The following RBM28 variants were observed in gnomAD, a reference collection of about 807,000 sequenced individuals.
The protein encoded by RBM28 is RNA binding motif protein 28, also known as RNA-binding protein 28.
In RBM28, 78 loss-of-function variants were observed where a neutral mutation model predicts 98.3. That is an observed-to-expected ratio of 0.79 (90% CI 0.66 to 0.96). The LOEUF is 0.96. Ranked by LOEUF, RBM28 falls within the 40% of genes least tolerant of loss-of-function variation. The pLI is 0.00. For missense variants in RBM28, 838 were observed against 913.0 expected, an observed-to-expected ratio of 0.92 and a Z score of 1.06; for synonymous variants, 306 against 330.9, an observed-to-expected ratio of 0.92 and a Z score of 0.82.
Position 128,299,603 on chromosome 7 carries a change from T to C in RBM28, c.*11194A>G, listed in dbSNP as rs1467692821. On this transcript the variant is annotated 3_prime_UTR_variant, in exon 19 of 19. Transcript: ENST00000223073. ...TTGTAATAGCAAAGGTTGGAAACCG[T>C]TGAATGGGATTTCCATCACATAAAG... is the stretch of plus-strand genomic sequence containing the variant. 1 of 152,224 alleles carries C rather than the reference T, an allele frequency of 6.6e-6. No individual in the cohort carries two copies. Among genetic ancestry groups the C allele is most frequent in the Non-Finnish European group, 1.5e-5 (1 of 68,042 alleles). 9.4% of individuals were successfully genotyped at this position (152,224 alleles called of 1,614,324 possible).
chr7:128,321,363 A>C lies in RBM28; in HGVS notation c.1466T>G (p.Leu489Arg), dbSNP rs1437807412. Residue 489 changes from leucine (L) to arginine (R), a missense_variant, in exon 14 of 19, where the codon CTC (leucine) becomes CGC (arginine). Coordinates refer to ENST00000223073, the MANE Select transcript of RBM28 (RefSeq NM_018077.3). ...DQNIFVSRTR[L>R]CLHNLPKAVD... ...AGCCTTTGGGAGATTGTGCAGGCAG[A>C]GCCTGGTTCGGGAGACAAAGATATT... 3 of 1,614,096 alleles carry C rather than the reference A, an allele frequency of 1.9e-6. No homozygotes were observed. Among genetic ancestry groups the C allele is most frequent in the Non-Finnish European group, 2.5e-6 (3 of 1,180,038 alleles).
Position 128,308,130 on chromosome 7 carries a change from G to T in RBM28, c.*2667C>A, listed in dbSNP as rs1795902379. ...CCCATGGTAAGGTGTTCCAAAGGAA[G>T]ACACCATATATAGAATTTGACTATT... is the stretch of plus-strand genomic sequence containing the variant. On this transcript the variant is annotated 3_prime_UTR_variant, in exon 19 of 19. Coordinates refer to ENST00000223073, the MANE Select transcript of RBM28 (RefSeq NM_018077.3). 1 of 152,178 alleles carries T rather than the reference G, an allele frequency of 6.6e-6. No individual in the cohort carries two copies. The highest frequency in any genetic ancestry group is 2.4e-5 in the African/African-American group (1 of 41,436). The allele number at this position is 152,178 out of a possible 1,614,324, so 9.4% of individuals were successfully genotyped here.
In RBM28 at chr7:128,305,086, G is replaced by A. The variant is rs932161443; in HGVS notation, c.*5711C>T. 6.6e-6 allele frequency: 1 copy of A among 151,924 alleles called. No homozygotes were observed. Among genetic ancestry groups the A allele is most frequent in the Admixed American group, 6.6e-5 (1 of 15,252 alleles). The allele number at this position is 151,924 out of a possible 1,614,324, so 9.4% of individuals were successfully genotyped here. On this transcript the variant is annotated 3_prime_UTR_variant, in exon 19 of 19. Transcript: ENST00000223073. ...CTGAGGAAGAACTGCTTGAACCTGG[G>A]GGGTGGAGGTTGCAGTGAGCTGAGA...
In RBM28 at chr7:128,309,040, T is replaced by C. The variant is rs1795924247; in HGVS notation, c.*1757A>G. ...AGCAATGGTTCTGTCAAAGCATTATTTGTAACACTCAACTAGACTAAGCAA... is the reference window on the plus strand; with the variant it reads ...AGCAATGGTTCTGTCAAAGCATTATCTGTAACACTCAACTAGACTAAGCAA... On this transcript the variant is annotated 3_prime_UTR_variant, in exon 19 of 19. Coordinates refer to ENST00000223073, the MANE Select transcript of RBM28 (RefSeq NM_018077.3). 6.6e-6 allele frequency: 1 copy of C among 151,414 alleles called. No individual in the cohort carries two copies. 9.4% of individuals were successfully genotyped at this position (151,414 alleles called of 1,614,324 possible).
At chr7:128,324,137 T>A (rs1287210254) in intron 12 of RBM28, among the ~76,000 whole-genome samples, 2 of 152,218 alleles carry the variant, frequency 1.3e-5, no homozygotes, top group South Asian at 2.1e-4. Flanking sequence ...AGAATTTTTT[T>A]AAAAATTTAA....
intron 10 of RBM28, among the ~76,000 whole-genome samples, chr7:128,328,332 T>C (rs1050704176): frequency 6.6e-6 from 1 of 152,332 alleles, no homozygotes; most frequent in African/African-American, 2.4e-5. Context: ...AATTTTATCA[T>C]TGGAGTTTCC....
At chr7:128,327,503 ATT>A (rs553281745) in intron 10 of RBM28, among the ~76,000 whole-genome samples, 29 of 146,248 alleles carry the variant, frequency 2.0e-4, no homozygotes, top group African/African-American at 7.0e-4. Flanking sequence ...CAAAAAAACA[ATT>A]TTTTTTTTTT....
intron 9 of RBM28, among the ~76,000 whole-genome samples, chr7:128,332,068 C>G (rs1042234829): frequency 6.6e-6 from 1 of 152,168 alleles, no homozygotes; most frequent in African/African-American, 2.4e-5. Context: ...CAGGCTTCTT[C>G]TTCACTGTGA....
In RBM28 at chr7:128,310,891, C is replaced by T. The variant is rs201726882; in HGVS notation, c.2186G>A (p.Arg729His). 8.7e-6 allele frequency: 14 copies of T among 1,613,722 alleles called. No homozygotes were observed. The East Asian group carries it at 1.6e-4, about 18-fold the overall frequency. Residue 729 changes from arginine to histidine, a missense_variant, in exon 19 of 19, where the codon CGC becomes CAC. Arg to His is a conservative substitution (Grantham distance 29). Coordinates refer to ENST00000223073, the MANE Select transcript of RBM28 (RefSeq NM_018077.3). The part of the protein sequence containing the change: ...KKAKGNKTET[R>H]FNQLVEQYKQ... The stretch of plus-strand genomic sequence containing the variant: ...ATATTGTTCGACCAGCTGGTTGAAG[C>T]GGGTTTCCGTCTTATTTCCCTTAGC...
chr7:128,333,648 G>A (rs2116376516), intron 8 of RBM28, among the ~76,000 whole-genome samples: 1 of 152,298 alleles, frequency 6.6e-6, no homozygotes, highest in South Asian at 2.1e-4. Context: ...AACCTGGGAG[G>A]TGGAGGTTGC....
rs1554403860 is a variant in RBM28 at position 128,337,562 on chromosome 7, C to CTTCT, written c.542-361_542-360insAGAA. On this transcript the variant is annotated intron_variant, in intron 5 of 18. Transcript: ENST00000223073. ...TAGGACATCTCTACGGCAATAACTT[C>CTTCT]TTTTTTTTTTTTTTGAGACACAGTC... Among the ~76,000 whole-genome samples, 7 of 139,816 alleles carry CTTCT rather than the reference C, an allele frequency of 5.0e-5. 1 individual carries two copies. In the East Asian group the frequency reaches 1.3e-3, roughly 25 times the overall value. The allele number at this position is 139,816 out of a possible 152,430, so 91.7% of individuals were successfully genotyped here.
rs898778417 is a variant in RBM28, at chr7:128,301,777, C to T, written c.*9020G>A. On this transcript the variant is annotated 3_prime_UTR_variant, in exon 19 of 19. Transcript: ENST00000223073. ...TCTCACTGCACTGGCTATTAAGTGC[C>T]TGCTCTCTACTAGGGATTCCTAGGG... 3 of 152,250 alleles carry T rather than the reference C, an allele frequency of 2.0e-5. No individual in the cohort carries two copies. Among genetic ancestry groups the T allele is most frequent in the African/African-American group, 7.2e-5 (3 of 41,454 alleles). 9.4% of individuals were successfully genotyped at this position (152,250 alleles called of 1,614,324 possible).
At chr7:128,340,437 A>G (rs1796699713) in intron 1 of RBM28, among the ~76,000 whole-genome samples, 2 of 152,162 alleles carry the variant, frequency 1.3e-5, no homozygotes, top group African/African-American at 4.8e-5. Context: ...CTGTCTGGGC[A>G]TTTTGCAGAG....
intron 11 of RBM28, among the ~76,000 whole-genome samples, chr7:128,325,506 T>C (rs906630660): frequency 2.0e-5 from 3 of 152,206 alleles, no homozygotes; most frequent in African/African-American, 2.4e-5. Context: ...TAATACCTCA[T>C]CCTAGTCTTT....
intron 12 of RBM28, 139 bp downstream of exon 12, chr7:128,324,420 T>G: frequency 8.1e-7 from 1 of 1,232,126 alleles, no homozygotes; most frequent in Non-Finnish European, 1.2e-6. Context: ...TTTATTAAAG[T>G]GGAATGATCA....
At chr7:128,321,153 G>A (rs1796223698) in intron 14 of RBM28, 113 bp downstream of exon 14, 4 of 1,434,648 alleles carry the variant, frequency 2.8e-6, no homozygotes, top group African/African-American at 1.4e-5. Flanking sequence ...GCAACAGAGT[G>A]AGACTTCGTC....
intron 5 of RBM28, 43 bp downstream of exon 5, chr7:128,338,207 A>T: frequency 6.8e-7 from 1 of 1,473,930 alleles, no homozygotes; most frequent in Non-Finnish European, 9.5e-7. Context: ...TCACCAAAAC[A>T]CCAGAAATAT....
chr7:128,342,013 G>T (rs1796735202), intron 1 of RBM28, among the ~76,000 whole-genome samples: 1 of 152,150 alleles, frequency 6.6e-6, no homozygotes, highest in Non-Finnish European at 1.5e-5. Flanking sequence ...TCAAAAATTG[G>T]CCAGGCATGG....
intron 5 of RBM28, among the ~76,000 whole-genome samples, chr7:128,337,927 A>G (rs1796637713): frequency 6.6e-6 from 1 of 152,202 alleles, no homozygotes; most frequent in Admixed American, 6.5e-5. Context: ...TTTAATAAAT[A>G]GCCCACAGAT....
Sources: gnomAD v4.1 joint callset for allele counts (sites outside exome capture counted in the v4.1 genomes callset) on GRCh38, gnomAD v4.1.1 for gene constraint, MANE v1.5 for transcripts, NCBI Gene and HGNC (gene_info 2026-07-23, HGNC 2026-07-21) for gene names.